Variants in KCTD16 observed in about 807,000 individuals in gnomAD.
KCTD16 encodes the protein potassium channel tetramerization domain containing 16, also known as BTB/POZ domain-containing protein KCTD16.
A neutral mutation model predicts 33.2 loss-of-function variants in KCTD16; 13 were observed. The observed-to-expected ratio is 0.39, with a 90% CI of 0.25 to 0.62. KCTD16 has a LOEUF of 0.62. KCTD16 is among the 20% of genes least tolerant of loss of function. KCTD16 has a pLI of 0.50. For missense variants in KCTD16, 441 were observed against 525.1 expected, an observed-to-expected ratio of 0.84 and a Z score of 1.57; for synonymous variants, 197 against 195.3, an observed-to-expected ratio of 1.01 and a Z score of -0.07.
At chr5:144,208,663 GT>G (rs1378449516) in intron 3 of KCTD16, among the ~76,000 whole-genome samples, 2 of 152,200 alleles carry the variant, frequency 1.3e-5, no homozygotes, top group East Asian at 1.9e-4. Context: ...TCTTGGACTG[GT>G]TTTTTTCCTT....
chr5:144,335,671 C>T (rs577049679), intron 3 of KCTD16, among the ~76,000 whole-genome samples: 1 of 152,158 alleles, frequency 6.6e-6, no homozygotes, highest in Admixed American at 6.5e-5. Context: ...GACAATTGAG[C>T]TGAATCATAA....
At chr5:144,287,570 T>C (rs1755779287) in intron 3 of KCTD16, among the ~76,000 whole-genome samples, 1 of 152,202 alleles carries the variant, frequency 6.6e-6, no homozygotes, top group Non-Finnish European at 1.5e-5. Flanking sequence ...TCAGGTTCTA[T>C]GCTTTAATCT....
intron 3 of KCTD16, among the ~76,000 whole-genome samples, chr5:144,464,821 C>T (rs1318023837): frequency 6.6e-6 from 1 of 151,840 alleles, no homozygotes; most frequent in East Asian, 1.9e-4. Context: ...AGGCATTGAT[C>T]ACTAATGTGA....
chr5:144,293,601 A>G (rs1580850252), intron 3 of KCTD16, among the ~76,000 whole-genome samples: 1 of 152,218 alleles, frequency 6.6e-6, no homozygotes, highest in South Asian at 2.1e-4. Context: ...GAGACCTTCA[A>G]AAGCATTCAT....
intron 3 of KCTD16, among the ~76,000 whole-genome samples, chr5:144,392,156 A>G (rs565845801): frequency 3.7e-4 from 57 of 152,330 alleles, no homozygotes; most frequent in Middle Eastern, 6.8e-3. Context: ...GTTAGTGAAA[A>G]CAGAAAGTCG....
At chr5:144,384,386 C>T (rs912577526) in intron 3 of KCTD16, 5 of 152,202 alleles carry the variant, frequency 3.3e-5, no homozygotes, top group Non-Finnish European at 5.9e-5. Flanking sequence ...TCTCTGTTGT[C>T]TTCATCAGAC....
chr5:144,454,130 T>A (rs1026704392), intron 3 of KCTD16, among the ~76,000 whole-genome samples: 16 of 152,218 alleles, frequency 1.1e-4, no homozygotes, highest in South Asian at 4.1e-4. Flanking sequence ...TAAGCACATA[T>A]ACAGGTATGA....
At chr5:144,382,580 TC>T (rs1391084288) in intron 3 of KCTD16, among the ~76,000 whole-genome samples, 1 of 152,040 alleles carries the variant, frequency 6.6e-6, no homozygotes. Flanking sequence ...ATCACCTTTC[TC>T]CCATATTATA....
At chr5:144,363,322 A>G (rs1203077408) in intron 3 of KCTD16, among the ~76,000 whole-genome samples, 1 of 152,064 alleles carries the variant, frequency 6.6e-6, no homozygotes, top group East Asian at 1.9e-4. Context: ...AGACTGGGTG[A>G]CAGAGGAGGA....
intron 2 of KCTD16, chr5:144,205,832 A>G (rs1373582635): frequency 1.1e-5 from 4 of 353,684 alleles, no homozygotes; most frequent in Non-Finnish European, 2.0e-5. Context: ...ACATACATAC[A>G]TAAATACAAA....
Position 144,213,128 on chromosome 5 carries a change from T to C in KCTD16, c.832+5582T>C, listed in dbSNP as rs145612119. ...TTAATATTATCAAATATCTAGTCAGTGTTTAAAGTTTCCTGATTTCTTCAC... is the reference window on the plus strand; with the variant it reads ...TTAATATTATCAAATATCTAGTCAGCGTTTAAAGTTTCCTGATTTCTTCAC... On this transcript the variant is annotated intron_variant, in intron 3 of 3. Transcript: ENST00000512467. 9.1e-4 allele frequency among the ~76,000 whole-genome samples: 139 copies of C among 152,218 alleles called. 2 individuals are homozygous for C. Among genetic ancestry groups the C allele is most frequent in the Middle Eastern group, 3.4e-3 (1 of 294 alleles).
rs1752460205 is a variant in KCTD16, at chr5:144,174,460, G to C, written c.-339G>C. The C allele has an allele frequency of 6.6e-6, 1 of 152,052 alleles. No homozygotes were observed. The highest frequency in any genetic ancestry group is 1.5e-5 in the Non-Finnish European group (1 of 67,984). The allele number at this position is 152,052 out of a possible 1,614,324, so 9.4% of individuals were successfully genotyped here. A position where few individuals can be genotyped will look rare whatever the true frequency, so the allele number is the denominator to read the frequency against. On this transcript the variant is annotated 5_prime_UTR_variant, in exon 2 of 4. The change abolishes an upstream ATG in the 5' untranslated region. Coordinates refer to ENST00000512467, the MANE Select transcript of KCTD16 (RefSeq NM_020768.4). ...TTCCACAATGAAACCTGACAATAAT[G>C]GTAAAAACCAATGTAAGTGCCAGTG...
At chr5:144,432,738 T>G (rs1184880421) in intron 3 of KCTD16, among the ~76,000 whole-genome samples, 1 of 152,154 alleles carries the variant, frequency 6.6e-6, no homozygotes. Context: ...TGTAATTTTA[T>G]TATTTCTTCT....
At chr5:144,409,927 C>G (rs1037258423) in intron 3 of KCTD16, among the ~76,000 whole-genome samples, 2 of 152,186 alleles carry the variant, frequency 1.3e-5, no homozygotes, top group Non-Finnish European at 2.9e-5. Context: ...GGCAGGGCAT[C>G]TAATGCGAAT....
At chr5:144,375,753 T>C (rs1350966931) in intron 3 of KCTD16, among the ~76,000 whole-genome samples, 1 of 152,156 alleles carries the variant, frequency 6.6e-6, no homozygotes, top group South Asian at 2.1e-4. Flanking sequence ...ATGTGCTTCC[T>C]AGGACCAATA....
intron 3 of KCTD16, among the ~76,000 whole-genome samples, chr5:144,412,871 G>A (rs758445080): frequency 3.9e-5 from 6 of 152,206 alleles, no homozygotes; most frequent in South Asian, 2.1e-4. Context: ...GGGCCACAGA[G>A]TGAGAGAGAC....
chr5:144,466,120 G>A (rs948138134), intron 3 of KCTD16, among the ~76,000 whole-genome samples: 3 of 152,200 alleles, frequency 2.0e-5, no homozygotes, highest in Admixed American at 1.3e-4. Context: ...ATTCAGGTGT[G>A]AGCCAGCCTA....
chr5:144,289,416 A>G lies in KCTD16; in HGVS notation c.832+81870A>G, dbSNP rs550901405. On this transcript the variant is annotated intron_variant, in intron 3 of 3. Coordinates refer to ENST00000512467, the MANE Select transcript of KCTD16 (RefSeq NM_020768.4). ...TCATTAATAAGTTTTACCTGTCTGT[A>G]AAGATTGCTTATCACTCATCTTGCA... Among the ~76,000 whole-genome samples the G allele has an allele frequency of 2.6e-5, 4 of 152,306 alleles. No homozygotes were observed. The South Asian group carries it at 8.3e-4, about 32-fold the overall frequency.
At position 144,230,187 on chromosome 5, in the gene KCTD16, T is replaced by C. The variant is rs780904173; in HGVS notation, c.832+22641T>C. Among the ~76,000 whole-genome samples, 4 of 152,196 alleles carry C rather than the reference T, an allele frequency of 2.6e-5. 1 individual carries two copies. The highest frequency in any genetic ancestry group is 5.9e-5 in the Non-Finnish European group (4 of 68,026). The stretch of plus-strand genomic sequence containing the variant: ...ATCAGCAGTGCATTGCACTGTTTAA[T>C]GTTCCAGGGCTACAAGGATGAAATG... On this transcript the variant is annotated intron_variant, in intron 3 of 3. Transcript: ENST00000512467.
Sources: allele counts gnomAD v4.1 joint callset (sites outside exome capture counted in the v4.1 genomes callset), GRCh38; gene constraint gnomAD v4.1.1; transcripts MANE v1.5; gene names NCBI Gene and HGNC (gene_info 2026-07-23, HGNC 2026-07-21).